TRDMT1: variants seen among roughly 807,000 people sequenced by gnomAD.
TRDMT1 encodes tRNA aspartic acid methyltransferase 1.
Under a neutral mutation model 51.2 loss-of-function variants are expected in TRDMT1, and 49 were observed. That is an observed-to-expected ratio of 0.96 (90% CI 0.76 to 1.21). The LOEUF (loss-of-function observed/expected upper bound fraction) is 1.21. Among genes scored for constraint, TRDMT1 ranks in the 50% most tolerant of loss-of-function variants. TRDMT1 has a pLI of 0.00. For synonymous variants in TRDMT1, 187 were observed against 164.6 expected (o/e 1.14, Z -1.04); for missense variants, 534 against 462.3 (o/e 1.16, Z -1.42).
At chr10:17,177,212 T>TTTATTTATTTATTTA (rs1564314954) in intron 1 of TRDMT1, among the ~76,000 whole-genome samples, 131 of 6,786 alleles carry the variant, frequency 0.019, no homozygotes, top group African/African-American at 0.046. Context: ...TTATTTATTT[T>TTTATTTATTTATTTA]TTGAGATAGT....
chr10:17,157,770 G>A lies in TRDMT1; in HGVS notation c.558C>T (p.Phe186=), dbSNP rs200499175. 2.1e-4 allele frequency: 336 copies of A among 1,592,968 alleles called. 1 individual carries two copies. Among genetic ancestry groups the A allele is most frequent in the Non-Finnish European group, 2.7e-4 (318 of 1,171,188 alleles). The change falls in exon 8 of 11, where the codon TTC becomes TTT. Residue 186 remains phenylalanine (F), a synonymous_variant. Transcript: ENST00000377799. The part of the protein sequence containing the change: ...FQAPGQVLME[F]PKIESVHPQK... ...GTGGATGTACAGATTCAATTTTGGG[G>A]AACTCCATCAGTACCTGGCATTACA...
intron 1 of TRDMT1, among the ~76,000 whole-genome samples, chr10:17,178,425 C>T (rs764100000): frequency 1.2e-4 from 19 of 152,002 alleles, no homozygotes; most frequent in Non-Finnish European, 1.5e-4. Flanking sequence ...CCTGTAATTC[C>T]AGCACTTTGG....
chr10:17,158,456 G>T (rs1839862734), intron 7 of TRDMT1, among the ~76,000 whole-genome samples: 1 of 152,072 alleles, frequency 6.6e-6, no homozygotes. Context: ...TATGGAAAGG[G>T]AGCAATATTA....
In TRDMT1 at chr10:17,144,928, A is replaced by C. The variant is rs1425202456; in HGVS notation, c.*4112T>G. ...CAAACTGAAACTAAAGAACATGTGC[A>C]AGATGCTTAATGCCTTTTTAAAAAA... is the stretch of plus-strand genomic sequence containing the variant. On this transcript the variant is annotated 3_prime_UTR_variant, in exon 11 of 11. Transcript: ENST00000377799. 1.0e-6 allele frequency: 1 copy of C among 985,320 alleles called. No homozygotes were observed. The highest frequency in any genetic ancestry group is 1.7e-5 in the African/African-American group (1 of 57,236). The allele number at this position is 985,320 out of a possible 1,614,324, so 61.0% of individuals were successfully genotyped here. A position where few individuals can be genotyped will look rare whatever the true frequency, so the allele number is the denominator to read the frequency against.
At chr10:17,196,368 C>G (rs1325495400) in intron 1 of TRDMT1, among the ~76,000 whole-genome samples, 2 of 152,210 alleles carry the variant, frequency 1.3e-5, no homozygotes, top group African/African-American at 4.8e-5. Context: ...TAGAGCTTTC[C>G]TTTATTCACC....
intron 1 of TRDMT1, among the ~76,000 whole-genome samples, chr10:17,178,119 A>T (rs1842838956): frequency 6.6e-6 from 1 of 152,166 alleles, no homozygotes; most frequent in Non-Finnish European, 1.5e-5. Context: ...TTATTTTCTA[A>T]TCTATATCTC....
At chr10:17,155,249 T>A (rs1020045247) in intron 8 of TRDMT1, among the ~76,000 whole-genome samples, 5 of 152,076 alleles carry the variant, frequency 3.3e-5, no homozygotes, top group African/African-American at 1.2e-4. Context: ...GTCTCAGAAA[T>A]GAAACATGGC....
At chr10:17,179,820 T>C (rs577874983) in intron 1 of TRDMT1, among the ~76,000 whole-genome samples, 1 of 150,796 alleles carries the variant, frequency 6.6e-6, no homozygotes, top group South Asian at 2.1e-4. Context: ...CTAGCATTGA[T>C]GGGAAAAGCT....
chr10:17,153,629 T>C lies in TRDMT1; in HGVS notation c.953A>G (p.Asn318Ser). The C allele has an allele frequency of 6.4e-7, 1 of 1,574,328 alleles. No individual in the cohort carries two copies. Among genetic ancestry groups the C allele is most frequent in the Non-Finnish European group, 8.6e-7 (1 of 1,160,850 alleles). Residue 318 changes from asparagine to serine, a missense_variant, in exon 10 of 11, where the codon AAT (asparagine) becomes AGT (serine). Coordinates refer to ENST00000377799, the MANE Select transcript of TRDMT1 (RefSeq NM_004412.7). ...LQTAEDVQVE[N>S]IYKSLTNLSQ... ...CAAATTGGTAAGGGATTTGTAGATA[T>C]TCTCAACCTGTAAGAAAATACCCAA...
chr10:17,159,152 AG>A lies in TRDMT1; in HGVS notation c.536del (p.Pro179LeufsTer5), dbSNP rs866424039. The A allele has an allele frequency of 1.4e-5, 23 of 1,587,838 alleles. No homozygotes were observed. The highest frequency in any genetic ancestry group is 1.9e-5 in the Non-Finnish European group (22 of 1,167,974). ...LQSEPLPFQA[P>X]GQVLMEFPKI... Reference sequence around the variant, plus strand: ...AAAATTCCAATAATAATACCTGACCAGGGGCTTGAAAGGGTAATGGCTCTGA... The same window carrying A: ...AAAATTCCAATAATAATACCTGACCAGGGCTTGAAAGGGTAATGGCTCTGA... On this transcript the variant is annotated frameshift_variant, in exon 7 of 11. Transcript: ENST00000377799. LOFTEE classifies it high-confidence loss of function.
chr10:17,175,189 A>G (rs763737121), intron 1 of TRDMT1, among the ~76,000 whole-genome samples: 1 of 152,222 alleles, frequency 6.6e-6, no homozygotes, highest in Non-Finnish European at 1.5e-5. Context: ...TAGAGCTTAC[A>G]TAAGTTTTTA....
At chr10:17,160,824 T>C (rs567425023) in intron 5 of TRDMT1, among the ~76,000 whole-genome samples, 57 of 152,314 alleles carry the variant, frequency 3.7e-4, no homozygotes, top group African/African-American at 1.3e-3. Flanking sequence ...AGAAAGATAA[T>C]GACCCTACGT....
chr10:17,184,121 A>G (rs953071296), intron 1 of TRDMT1, among the ~76,000 whole-genome samples: 1 of 152,332 alleles, frequency 6.6e-6, no homozygotes, highest in Admixed American at 6.5e-5. Context: ...AAAAGATATA[A>G]ACTACTTAAA....
intron 1 of TRDMT1, among the ~76,000 whole-genome samples, chr10:17,195,732 A>C (rs1454809380): frequency 6.6e-6 from 1 of 152,220 alleles, no homozygotes; most frequent in East Asian, 1.9e-4. Flanking sequence ...TTTACTGAAT[A>C]CTCAAAATTC....
intron 1 of TRDMT1, among the ~76,000 whole-genome samples, chr10:17,190,224 C>T (rs7082376): frequency 0.27 from 40,340 of 151,786 alleles, 5,688 homozygotes; most frequent in Middle Eastern, 0.36. Flanking sequence ...CACTTTTCAC[C>T]AATATTTCTG....
At chr10:17,170,823 A>AGTTTTTGT (rs368287379) in intron 2 of TRDMT1, among the ~76,000 whole-genome samples, 20,763 of 152,014 alleles carry the variant, frequency 0.14, 1,498 homozygotes, top group Admixed American at 0.17. Context: ...TAGTAGACAT[A>AGTTTTTGT]TTGTATATTG....
intron 1 of TRDMT1, among the ~76,000 whole-genome samples, chr10:17,196,334 CTATA>C (rs1276707855): frequency 6.6e-6 from 1 of 152,226 alleles, no homozygotes; most frequent in East Asian, 1.9e-4. Flanking sequence ...CAATATTTGA[CTATA>C]TAGAAAACAG....
rs1373232124 is a variant in TRDMT1 at position 17,144,883 on chromosome 10, T to G, written c.*4157A>C. The G allele has an allele frequency of 1.0e-6, 1 of 985,188 alleles. No individual in the cohort carries two copies. The highest frequency in any genetic ancestry group is 1.7e-5 in the African/African-American group (1 of 57,198). 61.0% of individuals were successfully genotyped at this position (985,188 alleles called of 1,614,324 possible). On this transcript the variant is annotated 3_prime_UTR_variant, in exon 11 of 11. Coordinates refer to ENST00000377799, the MANE Select transcript of TRDMT1 (RefSeq NM_004412.7). The stretch of plus-strand genomic sequence containing the variant: ...CAAGAAATAGTGAAAGGGAAAATGA[T>G]GCACACAGGTTGACTCATGCAAACT...
In TRDMT1 at chr10:17,157,533, C is replaced by G; in HGVS notation, c.795G>C (p.Gln265His). The change falls in exon 8 of 11, where the codon CAG becomes CAC. Residue 265 changes from glutamine (Q) to histidine (H), a missense_variant. Physicochemically the swap from Gln to His is conservative, Grantham distance 24. Coordinates refer to ENST00000377799, the MANE Select transcript of TRDMT1 (RefSeq NM_004412.7). Reference sequence around the variant, plus strand: ...GCAATGACTTTGGTGGTAAAAGATACTGGTTCACGTCAGTGTCATCTTCAA... The same window carrying G: ...GCAATGACTTTGGTGGTAAAAGATAGTGGTTCACGTCAGTGTCATCTTCAA... ...DFLEDDTDVN[Q>H]YLLPPKSLLR... 6.2e-7 allele frequency: 1 copy of G among 1,614,044 alleles called. No individual in the cohort carries two copies. Among genetic ancestry groups the G allele is most frequent in the Non-Finnish European group, 8.5e-7 (1 of 1,179,942 alleles).
Sources: gnomAD v4.1 joint callset for allele counts (sites outside exome capture counted in the v4.1 genomes callset) on GRCh38, gnomAD v4.1.1 for gene constraint, MANE v1.5 for transcripts, NCBI Gene and HGNC (gene_info 2026-07-23, HGNC 2026-07-21) for gene names.